PEX5: variants seen among roughly 807,000 people sequenced by gnomAD.
The protein encoded by PEX5 is peroxisomal biogenesis factor 5, also known as PTS1 receptor.
Under a neutral mutation model 82.9 loss-of-function variants are expected in PEX5, and 52 were observed. The ratio of observed to expected loss-of-function variants is 0.63; its 90% CI spans 0.50 to 0.79. The LOEUF is 0.79. Among genes scored for constraint, PEX5 ranks in the 30% least tolerant of loss-of-function variants. The pLI, the probability that PEX5 is intolerant of heterozygous loss-of-function variation, is 0.00. For synonymous variants in PEX5, 300 were observed against 318.8 expected (o/e 0.94, Z 0.63); for missense variants, 719 against 815.2 (o/e 0.88, Z 1.44).
At chr12:7,198,615 AG>A (rs1386806089) in intron 5 of PEX5, among the ~76,000 whole-genome samples, 1 of 152,176 alleles carries the variant, frequency 6.6e-6, no homozygotes, top group Non-Finnish European at 1.5e-5. Context: ...GTTAAGGAAC[AG>A]GAGCCCTTCT....
At chr12:7,208,761 G>C in intron 13 of PEX5, 92 bp downstream of exon 13, 1 of 1,110,120 alleles carries the variant, frequency 9.0e-7, no homozygotes, top group Non-Finnish European at 1.4e-6. Flanking sequence ...GATGGATTGA[G>C]ACTGAAGGGT....
At chr12:7,200,093 C>T (rs79010986) in intron 6 of PEX5, among the ~76,000 whole-genome samples, 45,923 of 114,602 alleles carry the variant, frequency 0.4, 12,965 homozygotes, top group Admixed American at 0.61. Flanking sequence ...CCCTCCCGGA[C>T]GGGGTGGCTG....
At chr12:7,192,615 C>T (rs1055742645) in intron 5 of PEX5, among the ~76,000 whole-genome samples, 1 of 152,110 alleles carries the variant, frequency 6.6e-6, no homozygotes, top group African/African-American at 2.4e-5. Context: ...TTTAAGATAT[C>T]AAGAATAACA....
chr12:7,190,316 G>C, intron 1 of PEX5, 46 bp from the exon 2 acceptor site: 1 of 1,607,472 alleles, frequency 6.2e-7, no homozygotes, highest in Non-Finnish European at 8.5e-7. Context: ...GATGTGAGAA[G>C]GGTCTGGCTT....
intron 6 of PEX5, among the ~76,000 whole-genome samples, chr12:7,201,441 C>T (rs761017429): frequency 3.9e-5 from 6 of 152,016 alleles, no homozygotes; most frequent in Non-Finnish European, 8.8e-5. Flanking sequence ...TCCTAACTAT[C>T]CTATATGACG....
At chr12:7,204,394 A>G (rs1303538194) in intron 10 of PEX5, among the ~76,000 whole-genome samples, 1 of 152,166 alleles carries the variant, frequency 6.6e-6, no homozygotes, top group Admixed American at 6.5e-5. Context: ...GTAATAAGGG[A>G]GCTATGCAAA....
chr12:7,203,322 A>G (rs1267470172), intron 9 of PEX5, 110 bp from the exon 10 acceptor site: 5 of 1,245,982 alleles, frequency 4.0e-6, no homozygotes, highest in Non-Finnish European at 5.5e-6. Flanking sequence ...TGATTCTTAA[A>G]CATATTGAAA....
chr12:7,206,026 T>G (rs1302555914), intron 10 of PEX5, among the ~76,000 whole-genome samples: 1 of 152,216 alleles, frequency 6.6e-6, no homozygotes, highest in Non-Finnish European at 1.5e-5. Flanking sequence ...GGAATTACTT[T>G]TATTAGGAAA....
At chr12:7,207,358 A>G (rs1016008982) in intron 10 of PEX5, among the ~76,000 whole-genome samples, 2 of 152,200 alleles carry the variant, frequency 1.3e-5, no homozygotes, top group African/African-American at 2.4e-5. Context: ...GTGAGAAGTC[A>G]AGGTGTGGGA....
Position 7,208,677 on chromosome 12 carries a change from T to A in PEX5, c.1394+8T>A. ...GGGATCTCTCTTGTCTGAGTGAGTA[T>A]GAGGGGTTCCTAGGATGAGGAATTA... is the stretch of plus-strand genomic sequence containing the variant. On this transcript the variant is annotated splice_region_variant and intron_variant, in intron 13 of 15. Transcript: ENST00000675855. 4 of 1,605,122 alleles carry A rather than the reference T, an allele frequency of 2.5e-6. No homozygotes were observed. The highest frequency in any genetic ancestry group is 3.4e-6 in the Non-Finnish European group (4 of 1,172,178).
In PEX5 at chr12:7,210,045, A is replaced by T. The variant is rs761105530; in HGVS notation, c.1742A>T (p.Glu581Val). The T allele has an allele frequency of 2.5e-6, 4 of 1,614,168 alleles. No individual in the cohort carries two copies. The highest frequency in any genetic ancestry group is 2.5e-6 in the Non-Finnish European group (3 of 1,180,022). ...AHREAVEHFL[E>V]ALNMQRKSRG... ...AGGGAGGCTGTGGAGCACTTTCTGG[A>T]GGCCCTGAACATGCAGAGGAAAAGC... Residue 581 changes from glutamate to valine, a missense_variant, in exon 16 of 16, where the codon GAG becomes GTG. Coordinates refer to ENST00000675855, the MANE Select transcript of PEX5 (RefSeq NM_001351132.2).
At chr12:7,190,804 C>A in intron 2 of PEX5, 84 bp from the exon 3 acceptor site, 2 of 1,396,054 alleles carry the variant, frequency 1.4e-6, no homozygotes, top group East Asian at 2.3e-5. Context: ...GATGAAGAAG[C>A]CGAGGCTCAG....
chr12:7,212,275 C>CT (rs1035321354), downstream of PEX5, among the ~76,000 whole-genome samples: 1 of 151,450 alleles, frequency 6.6e-6, no homozygotes, highest in Admixed American at 6.6e-5. Flanking sequence ...AAAAAAAAGT[C>CT]TAACTTTTAA....
intron 6 of PEX5, among the ~76,000 whole-genome samples, chr12:7,199,862 C>T (rs1177419408): frequency 1.1e-5 from 1 of 91,848 alleles, no homozygotes; most frequent in Non-Finnish European, 2.4e-5. Flanking sequence ...CCGGACGGGG[C>T]GGCTGGCCGG....
intron 5 of PEX5, among the ~76,000 whole-genome samples, chr12:7,196,211 A>AC: frequency 1.6e-5 from 2 of 128,866 alleles, no homozygotes; most frequent in Non-Finnish European, 3.3e-5. Context: ...GTTATGTAAT[A>AC]ATTATATATG....
intron 4 of PEX5, 58 bp downstream of exon 4, chr12:7,191,416 A>AG: frequency 6.2e-7 from 1 of 1,611,972 alleles, no homozygotes; most frequent in Non-Finnish European, 8.5e-7. Flanking sequence ...GGGCCAAGGA[A>AG]GGGGGTTCCA....
rs993347163 is a variant in PEX5 at position 7,207,969 on chromosome 12, A to AG, written c.1111-39dup. ...AAGCCAGGGGGAAGGGCGAATGGAG[A>AG]GGTGAATATGGGGTGATGGAATCTG... On this transcript the variant is annotated intron_variant, in intron 11 of 15. Transcript: ENST00000675855. 1.9e-6 allele frequency: 3 copies of AG among 1,562,414 alleles called. No individual in the cohort carries two copies. The African/African-American group carries it at 4.1e-5, about 21-fold the overall frequency.
chr12:7,191,669 C>T lies in PEX5; in HGVS notation c.417C>T (p.Asp139=). 1 of 1,613,740 alleles carries T rather than the reference C, an allele frequency of 6.2e-7. No individual in the cohort carries two copies. The highest frequency in any genetic ancestry group is 1.1e-5 in the South Asian group (1 of 91,078). Reference sequence around the variant, plus strand: ...TAACTCAGGATTATAATGAGACTGACTGGTCCCAAGAATTCATCTCTGAAG... The same window carrying T: ...TAACTCAGGATTATAATGAGACTGATTGGTCCCAAGAATTCATCTCTGAAG... ...VDVTQDYNET[D]WSQEFISEVT... is the part of the protein sequence containing the mutation. Residue 139 remains aspartate (D), a synonymous_variant, in exon 5 of 16, where the codon GAC becomes GAT. Transcript: ENST00000675855.
chr12:7,210,671 G>A lies in PEX5; in HGVS notation c.*448G>A, dbSNP rs757057245. 48 of 292,022 alleles carry A rather than the reference G, an allele frequency of 1.6e-4. No individual in the cohort carries two copies. The highest frequency in any genetic ancestry group is 3.5e-5 in the South Asian group (1 of 28,864). The allele number at this position is 292,022 out of a possible 1,614,324, so 18.1% of individuals were successfully genotyped here. Reference sequence around the variant, plus strand: ...GGTTCATCTGCTGTGCGCCTCTAATGTCTGTCTGGATGGGATGTGTTAGGA... The same window carrying A: ...GGTTCATCTGCTGTGCGCCTCTAATATCTGTCTGGATGGGATGTGTTAGGA... On this transcript the variant is annotated 3_prime_UTR_variant, in exon 16 of 16. Coordinates refer to ENST00000675855, the MANE Select transcript of PEX5 (RefSeq NM_001351132.2).
Sources: gnomAD v4.1 joint callset for allele counts (sites outside exome capture counted in the v4.1 genomes callset) on GRCh38, gnomAD v4.1.1 for gene constraint, MANE v1.5 for transcripts, NCBI Gene and HGNC (gene_info 2026-07-23, HGNC 2026-07-21) for gene names.